Variants in FGGY observed in about 807,000 individuals in gnomAD.
FGGY encodes the protein FGGY carbohydrate kinase domain-containing protein.
A neutral mutation model predicts 71.3 loss-of-function variants in FGGY; 72 were observed. That is an observed-to-expected ratio of 1.01 (90% CI 0.84 to 1.23). FGGY has a LOEUF of 1.23. Ranked by LOEUF, FGGY falls within the 50% of genes most tolerant of loss-of-function variation. The pLI is 0.00. For missense variants in FGGY, 668 were observed against 682.3 expected, an observed-to-expected ratio of 0.98 and a Z score of 0.23; for synonymous variants, 251 against 250.3, an observed-to-expected ratio of 1.00 and a Z score of -0.02.
At chr1:59,451,124 C>T (rs1323200053) in intron 5 of FGGY, among the ~76,000 whole-genome samples, 1 of 151,930 alleles carries the variant, frequency 6.6e-6, no homozygotes, top group African/African-American at 2.4e-5. Flanking sequence ...TTATTGGTTT[C>T]ACTGGCTTGT....
At chr1:59,504,541 G>A (rs961164116) in intron 6 of FGGY, among the ~76,000 whole-genome samples, 1 of 152,180 alleles carries the variant, frequency 6.6e-6, no homozygotes, top group South Asian at 2.1e-4. Context: ...GTGCTTGCTT[G>A]GTGGTTGGGA....
intron 5 of FGGY, among the ~76,000 whole-genome samples, chr1:59,450,265 G>A (rs2072386992): frequency 1.3e-5 from 2 of 152,020 alleles, no homozygotes. Flanking sequence ...TAATTTTGAT[G>A]CCTCATTATA....
intron 5 of FGGY, among the ~76,000 whole-genome samples, chr1:59,439,527 G>T (rs1021363242): frequency 2.0e-5 from 3 of 151,996 alleles, no homozygotes; most frequent in Non-Finnish European, 2.9e-5. Flanking sequence ...TAAAATGATA[G>T]AACTCTCCTT....
chr1:59,558,938 G>C (rs377714666), intron 8 of FGGY, among the ~76,000 whole-genome samples: 16 of 152,292 alleles, frequency 1.1e-4, no homozygotes, highest in African/African-American at 3.1e-4. Flanking sequence ...GTTTTAGGCT[G>C]TCTGCAAGAA....
intron 14 of FGGY, among the ~76,000 whole-genome samples, chr1:59,678,191 A>C (rs2097455529): frequency 6.6e-6 from 1 of 152,152 alleles, no homozygotes; most frequent in South Asian, 2.1e-4. Context: ...CTCACAGTAA[A>C]AATTTAGCTA....
intron 12 of FGGY, among the ~76,000 whole-genome samples, chr1:59,666,992 A>G (rs993237076): frequency 6.6e-6 from 1 of 152,236 alleles, no homozygotes; most frequent in Non-Finnish European, 1.5e-5. Flanking sequence ...TGTTACCATT[A>G]ACTGTGTTGA....
At chr1:59,507,652 G>C (rs1181782433) in intron 6 of FGGY, among the ~76,000 whole-genome samples, 1 of 150,434 alleles carries the variant, frequency 6.6e-6, no homozygotes, top group Non-Finnish European at 1.5e-5. Flanking sequence ...CAAGCAGCTG[G>C]GATTACAGGC....
At chr1:59,744,323 C>A (rs951322435) in intron 14 of FGGY, among the ~76,000 whole-genome samples, 1 of 152,260 alleles carries the variant, frequency 6.6e-6, no homozygotes, top group Non-Finnish European at 1.5e-5. Flanking sequence ...TGGATTCAAG[C>A]GATTCTCCTG....
intron 14 of FGGY, among the ~76,000 whole-genome samples, chr1:59,676,065 T>C (rs1161648127): frequency 6.6e-6 from 1 of 152,096 alleles, no homozygotes; most frequent in Non-Finnish European, 1.5e-5. Context: ...GCTGGCACCC[T>C]GATCTCAGAC....
intron 13 of FGGY, 83 bp downstream of exon 13, chr1:59,667,486 A>G: frequency 1.3e-6 from 2 of 1,505,684 alleles, no homozygotes; most frequent in East Asian, 2.3e-5. Context: ...AAGTGAGAAT[A>G]GGAGGATATA....
At chr1:59,592,678 A>C (rs551663413) in intron 8 of FGGY, among the ~76,000 whole-genome samples, 157 of 152,024 alleles carry the variant, frequency 1.0e-3, no homozygotes, top group African/African-American at 3.4e-3. Flanking sequence ...AGTAAACTAT[A>C]GCAAGAACAA....
At chr1:59,381,097 G>C (rs971303107) in intron 5 of FGGY, among the ~76,000 whole-genome samples, 2 of 152,110 alleles carry the variant, frequency 1.3e-5, no homozygotes, top group East Asian at 1.9e-4. Context: ...AGATCAGATG[G>C]TTGTAGATAT....
At chr1:59,678,387 A>G (rs1269205271) in intron 14 of FGGY, among the ~76,000 whole-genome samples, 1 of 152,220 alleles carries the variant, frequency 6.6e-6, no homozygotes, top group Non-Finnish European at 1.5e-5. Flanking sequence ...TTATAATTAG[A>G]AGCTGAGAGT....
At chr1:59,485,682 AAAC>A (rs1428299051) in intron 6 of FGGY, among the ~76,000 whole-genome samples, 3 of 152,216 alleles carry the variant, frequency 2.0e-5, no homozygotes, top group Non-Finnish European at 4.4e-5. Flanking sequence ...AGGTTTGGGA[AAAC>A]AACAGTTAAA....
chr1:59,679,104 A>C (rs1407092805), intron 14 of FGGY, among the ~76,000 whole-genome samples: 1 of 152,218 alleles, frequency 6.6e-6, no homozygotes. Flanking sequence ...TAAACCATCC[A>C]TGCTGACCGC....
intron 5 of FGGY, among the ~76,000 whole-genome samples, chr1:59,401,491 G>A (rs760678671): frequency 2.0e-5 from 3 of 152,202 alleles, no homozygotes; most frequent in South Asian, 2.1e-4. Flanking sequence ...GACCAAAGAC[G>A]AAACTGGTAG....
chr1:59,352,989 T>G (rs2053590307), intron 4 of FGGY, among the ~76,000 whole-genome samples: 1 of 152,210 alleles, frequency 6.6e-6, no homozygotes, highest in African/African-American at 2.4e-5. Context: ...ACTGTGTTCA[T>G]CAGGTCTTAA....
intron 6 of FGGY, among the ~76,000 whole-genome samples, chr1:59,491,542 T>G (rs2093863766): frequency 6.6e-6 from 1 of 152,156 alleles, no homozygotes; most frequent in South Asian, 2.1e-4. Flanking sequence ...GCTACTGATT[T>G]TTCATGTCAA....
intron 6 of FGGY, among the ~76,000 whole-genome samples, chr1:59,469,138 A>C (rs1352476817): frequency 6.6e-6 from 1 of 152,234 alleles, no homozygotes; most frequent in Non-Finnish European, 1.5e-5. Flanking sequence ...TGCCTGAAGC[A>C]AGCTGCACTT....
Sources: allele counts gnomAD v4.1 joint callset (sites outside exome capture counted in the v4.1 genomes callset), GRCh38; gene constraint gnomAD v4.1.1; transcripts MANE v1.5; gene names NCBI Gene and HGNC (gene_info 2026-07-23, HGNC 2026-07-21).